The following SPOCK3 variants were observed in gnomAD, a reference collection of about 807,000 sequenced individuals.
SPOCK3 encodes testican-3.
A neutral mutation model predicts 56.6 loss-of-function variants in SPOCK3; 30 were observed. That is an observed-to-expected ratio of 0.53 (90% CI 0.40 to 0.72). The LOEUF (loss-of-function observed/expected upper bound fraction) is 0.72, where lower values mean the gene tolerates loss of function less well. Among genes scored for constraint, SPOCK3 ranks in the 30% least tolerant of loss-of-function variants. The pLI, the probability that SPOCK3 is intolerant of heterozygous loss-of-function variation, is 0.00. For synonymous variants in SPOCK3, 196 were observed against 183.3 expected (o/e 1.07, Z -0.56); for missense variants, 527 against 530.0 (o/e 0.99, Z 0.06).
intron 2 of SPOCK3, among the ~76,000 whole-genome samples, chr4:167,189,852 C>T (rs1304616592): frequency 6.9e-6 from 1 of 145,564 alleles, no homozygotes; most frequent in Non-Finnish European, 1.5e-5. Flanking sequence ...TTTTAAGATT[C>T]TGTATATAAG....
intron 4 of SPOCK3, among the ~76,000 whole-genome samples, chr4:166,913,854 T>C (rs968898510): frequency 1.3e-5 from 2 of 152,180 alleles, no homozygotes; most frequent in Admixed American, 1.3e-4. Flanking sequence ...ATTTCAGTTT[T>C]GTACATTCTG....
intron 5 of SPOCK3, among the ~76,000 whole-genome samples, chr4:166,912,266 T>TA (rs771575670): frequency 3.3e-5 from 5 of 152,080 alleles, no homozygotes; most frequent in Non-Finnish European, 5.9e-5. Flanking sequence ...AATATGAGAT[T>TA]AAAAAATAAT....
chr4:166,873,596 A>T (rs1263824229), intron 6 of SPOCK3, among the ~76,000 whole-genome samples: 1 of 152,182 alleles, frequency 6.6e-6, no homozygotes, highest in Non-Finnish European at 1.5e-5. Context: ...AATGAAAATG[A>T]AAGTTTTCAT....
intron 2 of SPOCK3, among the ~76,000 whole-genome samples, chr4:167,123,683 A>G (rs946159772): frequency 9.9e-5 from 15 of 151,470 alleles, no homozygotes; most frequent in Admixed American, 3.9e-4. Flanking sequence ...TCAGTCAGTC[A>G]TATTTTCTGC....
intron 2 of SPOCK3, among the ~76,000 whole-genome samples, chr4:167,126,778 G>T (rs1014599566): frequency 6.6e-6 from 1 of 152,082 alleles, no homozygotes; most frequent in Non-Finnish European, 1.5e-5. Context: ...AGTAACACCA[G>T]CAAAATCTGT....
At chr4:166,948,644 G>C (rs1276934086) in intron 4 of SPOCK3, among the ~76,000 whole-genome samples, 3 of 151,918 alleles carry the variant, frequency 2.0e-5, no homozygotes, top group Admixed American at 2.0e-4. Flanking sequence ...TCATATATCT[G>C]TTGGCCATTA....
At chr4:167,086,764 A>G (rs568330548) in intron 2 of SPOCK3, among the ~76,000 whole-genome samples, 7 of 152,232 alleles carry the variant, frequency 4.6e-5, no homozygotes, top group Admixed American at 4.6e-4. Context: ...ACAGAGCCAA[A>G]AGCTCCCTAA....
intron 3 of SPOCK3, among the ~76,000 whole-genome samples, chr4:167,053,415 T>C (rs928606238): frequency 6.6e-6 from 1 of 152,078 alleles, no homozygotes; most frequent in African/African-American, 2.4e-5. Flanking sequence ...GGCCACACGC[T>C]GTGGCTCACA....
intron 2 of SPOCK3, among the ~76,000 whole-genome samples, chr4:167,099,957 A>T (rs1759490843): frequency 6.6e-6 from 1 of 152,188 alleles, no homozygotes; most frequent in Admixed American, 6.6e-5. Flanking sequence ...ACAATTATGT[A>T]CAATTTGGTC....
chr4:166,935,250 T>C (rs906348195), intron 4 of SPOCK3, among the ~76,000 whole-genome samples: 1 of 152,148 alleles, frequency 6.6e-6, no homozygotes, highest in African/African-American at 2.4e-5. Flanking sequence ...CCAACAACCA[T>C]GAGTTTGAGA....
At chr4:167,228,487 T>C (rs926743864) in intron 2 of SPOCK3, among the ~76,000 whole-genome samples, 1 of 152,154 alleles carries the variant, frequency 6.6e-6, no homozygotes, top group Non-Finnish European at 1.5e-5. Context: ...TGACAGAGTC[T>C]GATAATGTGA....
chr4:167,130,583 T>G (rs1249977498), intron 2 of SPOCK3, among the ~76,000 whole-genome samples: 1 of 152,158 alleles, frequency 6.6e-6, no homozygotes, highest in African/African-American at 2.4e-5. Flanking sequence ...GTACTTAATA[T>G]AAACATCTTT....
rs574722526 is a variant in SPOCK3 at position 167,124,566 on chromosome 4, T to C, written c.190-62029A>G. On this transcript the variant is annotated intron_variant, in intron 2 of 10. Transcript: ENST00000357545. ...CATTTGGTCAGCTGTACCTTCAAAA[T>C]ATATCCTGTCAACAGCGTAACCCAT... 2.0e-5 allele frequency among the ~76,000 whole-genome samples: 3 copies of C among 152,310 alleles called. No homozygotes were observed. The South Asian group carries it at 6.2e-4, about 32-fold the overall frequency.
chr4:166,857,622 G>T (rs1257127123), intron 6 of SPOCK3, among the ~76,000 whole-genome samples: 2 of 152,032 alleles, frequency 1.3e-5, no homozygotes, highest in African/African-American at 4.8e-5. Context: ...TTTAAAAGTT[G>T]AATTTAAATT....
At chr4:167,135,258 T>C (rs553801099) in intron 2 of SPOCK3, among the ~76,000 whole-genome samples, 2 of 152,110 alleles carry the variant, frequency 1.3e-5, no homozygotes, top group African/African-American at 4.8e-5. Context: ...GAAAATGTCC[T>C]GTTTTAAGCC....
At chr4:166,878,523 G>A (rs920191618) in intron 6 of SPOCK3, among the ~76,000 whole-genome samples, 7 of 148,512 alleles carry the variant, frequency 4.7e-5, no homozygotes, top group African/African-American at 1.2e-4. Flanking sequence ...TGTATAAAAT[G>A]TATATTTTAA....
At chr4:166,744,545 G>A (rs1169733211) in intron 8 of SPOCK3, among the ~76,000 whole-genome samples, 1 of 142,026 alleles carries the variant, frequency 7.0e-6, no homozygotes, top group Non-Finnish European at 1.5e-5. Context: ...GAGCAGAAAA[G>A]CTGAAAATTC....
intron 2 of SPOCK3, among the ~76,000 whole-genome samples, chr4:167,177,357 G>GA (rs1468934166): frequency 2.0e-5 from 3 of 151,938 alleles, no homozygotes; most frequent in Non-Finnish European, 4.4e-5. Flanking sequence ...TTATCATCAT[G>GA]AAAACCTTAT....
intron 6 of SPOCK3, among the ~76,000 whole-genome samples, chr4:166,831,194 C>G (rs1392053492): frequency 6.6e-6 from 1 of 152,126 alleles, no homozygotes. Context: ...GTATATATAT[C>G]TGAATTTGTT....
Sources: gnomAD v4.1 joint callset for allele counts (sites outside exome capture counted in the v4.1 genomes callset) on GRCh38, gnomAD v4.1.1 for gene constraint, MANE v1.5 for transcripts, NCBI Gene and HGNC (gene_info 2026-07-23, HGNC 2026-07-21) for gene names.